BMERB1: variants seen among roughly 807,000 people sequenced by gnomAD.
The protein encoded by BMERB1 is bMERB domain-containing protein 1.
BMERB1 carries 12 observed loss-of-function variants against 23.6 expected under a neutral mutation model. That is an observed-to-expected ratio of 0.51 (90% CI 0.33 to 0.82). The LOEUF (loss-of-function observed/expected upper bound fraction) is 0.82, where lower values mean the gene tolerates loss of function less well. Among genes scored for constraint, BMERB1 ranks in the 40% least tolerant of loss-of-function variants. BMERB1 has a pLI of 0.03. For missense variants in BMERB1, 247 were observed against 255.4 expected (o/e 0.97, Z 0.22); for synonymous variants, 122 against 96.6 (o/e 1.26, Z -1.54).
At chr16:15,509,328 A>AGGGGG (rs60458642) in intron 1 of BMERB1, among the ~76,000 whole-genome samples, 1 of 56,662 alleles carries the variant, frequency 1.8e-5, no homozygotes, top group African/African-American at 4.0e-5. Context: ...GTGGAGTGGA[A>AGGGGG]GGGGGGTGGG....
chr16:15,493,816 G>A (rs563113078), intron 1 of BMERB1, among the ~76,000 whole-genome samples: 24 of 152,250 alleles, frequency 1.6e-4, no homozygotes, highest in Admixed American at 7.8e-4. Flanking sequence ...TTTCCAGCCT[G>A]CAGGGAATTA....
chr16:15,535,762 C>T (rs2052019004), intron 2 of BMERB1, among the ~76,000 whole-genome samples: 1 of 151,250 alleles, frequency 6.6e-6, no homozygotes, highest in Admixed American at 6.6e-5. Context: ...AAAAAAATAC[C>T]AAAGATTGAG....
chr16:15,470,377 T>C (rs1181884265), intron 1 of BMERB1, among the ~76,000 whole-genome samples: 1 of 152,150 alleles, frequency 6.6e-6, no homozygotes, highest in Non-Finnish European at 1.5e-5. Context: ...TTGCTAGTAT[T>C]TTTAGTATTT....
At chr16:15,440,418 C>G in intron 1 of BMERB1, among the ~76,000 whole-genome samples, 1 of 151,952 alleles carries the variant, frequency 6.6e-6, no homozygotes, top group Non-Finnish European at 1.5e-5. Context: ...ACAAGCAGAT[C>G]GTAAAACTGG....
intron 4 of BMERB1, among the ~76,000 whole-genome samples, chr16:15,582,821 G>A (rs2150978086): frequency 6.6e-6 from 1 of 152,296 alleles, no homozygotes; most frequent in East Asian, 1.9e-4. Flanking sequence ...CTTTGTGGGA[G>A]CACAGGTGAA....
intron 1 of BMERB1, among the ~76,000 whole-genome samples, chr16:15,436,909 AAC>A (rs1453409429): frequency 6.6e-6 from 1 of 152,148 alleles, no homozygotes; most frequent in Non-Finnish European, 1.5e-5. Flanking sequence ...GATTTAAAAA[AAC>A]ATTTTAAAAT....
At chr16:15,569,775 G>A (rs917776507) in intron 3 of BMERB1, among the ~76,000 whole-genome samples, 1 of 152,196 alleles carries the variant, frequency 6.6e-6, no homozygotes, top group African/African-American at 2.4e-5. Flanking sequence ...TTCTGCAATA[G>A]TGATGTTATC....
intron 2 of BMERB1, among the ~76,000 whole-genome samples, chr16:15,555,338 C>T (rs2030223729): frequency 6.6e-6 from 1 of 152,152 alleles, no homozygotes; most frequent in Non-Finnish European, 1.5e-5. Flanking sequence ...CCTCAAAGTA[C>T]TGGGATTACA....
intron 1 of BMERB1, among the ~76,000 whole-genome samples, chr16:15,494,064 C>T (rs1327092293): frequency 6.6e-6 from 1 of 152,108 alleles, no homozygotes; most frequent in Non-Finnish European, 1.5e-5. Flanking sequence ...AATCATAGCT[C>T]AGGATAGATT....
chr16:15,585,494 C>T (rs62036874), intron 5 of BMERB1, among the ~76,000 whole-genome samples: 7,936 of 152,148 alleles, frequency 0.052, 256 homozygotes, highest in Non-Finnish European at 0.08. Flanking sequence ...ATACAGTATT[C>T]TCACAGAAAA....
At chr16:15,582,388 G>A (rs532700373) in intron 4 of BMERB1, among the ~76,000 whole-genome samples, 2 of 151,854 alleles carry the variant, frequency 1.3e-5, no homozygotes, top group East Asian at 3.9e-4. Context: ...GTGACAGAGT[G>A]AGATTCCATC....
chr16:15,570,545 C>T (rs900529804), intron 3 of BMERB1, among the ~76,000 whole-genome samples: 14 of 152,110 alleles, frequency 9.2e-5, no homozygotes, highest in Non-Finnish European at 1.9e-4. Flanking sequence ...CGTACCTCTC[C>T]GCTACCCCTC....
At chr16:15,447,670 A>G (rs2051001416) in intron 1 of BMERB1, among the ~76,000 whole-genome samples, 1 of 152,164 alleles carries the variant, frequency 6.6e-6, no homozygotes, top group Non-Finnish European at 1.5e-5. Context: ...GAGAGAAGGA[A>G]GAGAGAGAAG....
intron 2 of BMERB1, among the ~76,000 whole-genome samples, chr16:15,525,653 C>T (rs533557451): frequency 6.7e-6 from 1 of 148,834 alleles, no homozygotes; most frequent in East Asian, 2.0e-4. Context: ...TGCAGTGAGC[C>T]AAGATTATGC....
intron 1 of BMERB1, among the ~76,000 whole-genome samples, chr16:15,483,959 A>G (rs1437803877): frequency 1.3e-5 from 2 of 152,250 alleles, no homozygotes; most frequent in Non-Finnish European, 2.9e-5. Flanking sequence ...TACAAGAAAC[A>G]TGGTGCCAGC....
At chr16:15,536,335 G>A (rs1195508444) in intron 2 of BMERB1, among the ~76,000 whole-genome samples, 1 of 152,020 alleles carries the variant, frequency 6.6e-6, no homozygotes, top group African/African-American at 2.4e-5. Flanking sequence ...GGCAGACGAG[G>A]CAGCAGCCCC....
At chr16:15,480,008 A>G (rs1010416118) in intron 1 of BMERB1, among the ~76,000 whole-genome samples, 9 of 147,126 alleles carry the variant, frequency 6.1e-5, no homozygotes, top group African/African-American at 1.7e-4. Context: ...TCATATATAT[A>G]TATAATATAT....
chr16:15,500,291 C>T (rs1232179482), intron 1 of BMERB1, among the ~76,000 whole-genome samples: 1 of 152,156 alleles, frequency 6.6e-6, no homozygotes, highest in Non-Finnish European at 1.5e-5. Flanking sequence ...GCCTGCACCG[C>T]ACACACTCCT....
intron 2 of BMERB1, among the ~76,000 whole-genome samples, chr16:15,517,221 CAGAG>C (rs1291429984): frequency 6.6e-5 from 10 of 152,284 alleles, no homozygotes; most frequent in Admixed American, 6.5e-5. Context: ...AAAAGGAAGA[CAGAG>C]AGGCCAGGTG....
Sources: gnomAD v4.1 joint callset for allele counts (sites outside exome capture counted in the v4.1 genomes callset) on GRCh38, gnomAD v4.1.1 for gene constraint, MANE v1.5 for transcripts, NCBI Gene and HGNC (gene_info 2026-07-23, HGNC 2026-07-21) for gene names.